Variants in ETV6 observed in about 807,000 individuals in gnomAD.
The protein encoded by ETV6 is transcription factor ETV6.
In ETV6, 16 loss-of-function variants were observed where a neutral mutation model predicts 51.1. That is an observed-to-expected ratio of 0.31 (90% confidence interval 0.21 to 0.48). The LOEUF (loss-of-function observed/expected upper bound fraction) is 0.48. Ranked by LOEUF, ETV6 falls within the 20% of genes least tolerant of loss-of-function variation. The pLI is 0.99. For missense variants in ETV6, 458 were observed against 594.8 expected (o/e 0.77, Z 2.39); for synonymous variants, 240 against 224.1 (o/e 1.07, Z -0.64).
At chr12:11,820,171 G>A (rs116747689) in intron 2 of ETV6, among the ~76,000 whole-genome samples, 3 of 152,212 alleles carry the variant, frequency 2.0e-5, no homozygotes, top group Admixed American at 6.5e-5. Context: ...CCTTGCACAA[G>A]GTCACACAGC....
intron 2 of ETV6, among the ~76,000 whole-genome samples, chr12:11,829,207 G>A (rs1946204752): frequency 6.6e-6 from 1 of 152,116 alleles, no homozygotes; most frequent in Non-Finnish European, 1.5e-5. Flanking sequence ...AAGTATTTTG[G>A]TCTTCTGGAG....
chr12:11,861,683 A>G (rs1946720273), intron 4 of ETV6, among the ~76,000 whole-genome samples: 1 of 152,120 alleles, frequency 6.6e-6, no homozygotes, highest in African/African-American at 2.4e-5. Flanking sequence ...CCCTAGGGAA[A>G]TGCCATCTGA....
intron 2 of ETV6, among the ~76,000 whole-genome samples, chr12:11,821,685 G>A (rs1946083321): frequency 2.0e-5 from 3 of 151,990 alleles, no homozygotes; most frequent in Non-Finnish European, 4.4e-5. Context: ...AAAAAAATGT[G>A]TTTTAGATTA....
At chr12:11,650,372 T>C (rs1863871430) in intron 1 of ETV6, among the ~76,000 whole-genome samples, 1 of 77,496 alleles carries the variant, frequency 1.3e-5, no homozygotes, top group African/African-American at 3.7e-5. Flanking sequence ...CCCTGCCGGC[T>C]CCTCGGCCCC....
At chr12:11,676,834 A>G (rs1864430234) in intron 1 of ETV6, among the ~76,000 whole-genome samples, 1 of 152,188 alleles carries the variant, frequency 6.6e-6, no homozygotes, top group Admixed American at 6.5e-5. Flanking sequence ...CGTGGAAAAC[A>G]GAATTTGGTC....
chr12:11,651,749 A>C (rs1348455814), intron 1 of ETV6, among the ~76,000 whole-genome samples: 1 of 152,242 alleles, frequency 6.6e-6, no homozygotes, highest in Non-Finnish European at 1.5e-5. Flanking sequence ...AAATAGTAGG[A>C]TATTCAATAA....
chr12:11,891,607 AAAAATGCTTTTAAAAAAGAT>A lies in ETV6; in HGVS notation c.*568_*587del. ...TACTGTTGGGTCTTGGCTGAAAAAA[AAAAATGCTTTTAAAAAAGAT>A]AAAATGAAAAGGAGAGCTCTCTTTT... On this transcript the variant is annotated 3_prime_UTR_variant, in exon 8 of 8. Transcript: ENST00000396373. 1.9e-6 allele frequency: 1 copy of A among 530,710 alleles called. No individual in the cohort carries two copies. The highest frequency in any genetic ancestry group is 3.6e-6 in the Non-Finnish European group (1 of 274,456). The allele number at this position is 530,710 out of a possible 1,614,324, so 32.9% of individuals were successfully genotyped here. A position where few individuals can be genotyped will look rare whatever the true frequency, so the allele number is the denominator to read the frequency against.
Position 11,775,645 on chromosome 12 carries a change from C to T in ETV6, c.163+23066C>T, listed in dbSNP as rs1311412044. The stretch of plus-strand genomic sequence containing the variant: ...TACCCCACCAGATGTGTGCAGAAGG[C>T]GCCATCACTGCTTTAGTTTCAGGTC... On this transcript the variant is annotated intron_variant, in intron 2 of 7. Coordinates refer to ENST00000396373, the MANE Select transcript of ETV6 (RefSeq NM_001987.5). 3.9e-5 allele frequency among the ~76,000 whole-genome samples: 6 copies of T among 152,140 alleles called. 1 individual carries two copies. The South Asian group carries it at 6.2e-4, about 16-fold the overall frequency.
rs574540740 is a variant in ETV6 at position 11,850,090 on chromosome 12, G to A, written c.329-3337G>A. 6.6e-5 allele frequency among the ~76,000 whole-genome samples: 10 copies of A among 152,206 alleles called. No individual in the cohort carries two copies. The South Asian group carries it at 2.1e-3, about 32-fold the overall frequency. Reference sequence around the variant, plus strand: ...GGACCTCGGGTCCATGTTCCCACCCGTAGCCGCCTCATGGATAGCATTTAA... The same window carrying A: ...GGACCTCGGGTCCATGTTCCCACCCATAGCCGCCTCATGGATAGCATTTAA... On this transcript the variant is annotated intron_variant, in intron 3 of 7. Coordinates refer to ENST00000396373, the MANE Select transcript of ETV6 (RefSeq NM_001987.5).
chr12:11,802,863 T>A (rs985847887), intron 2 of ETV6, among the ~76,000 whole-genome samples: 1 of 152,230 alleles, frequency 6.6e-6, no homozygotes, highest in African/African-American at 2.4e-5. Context: ...AAGTTTGGTC[T>A]CCTAATTAGC....
intron 2 of ETV6, among the ~76,000 whole-genome samples, chr12:11,799,222 A>G (rs991894715): frequency 1.3e-5 from 2 of 152,312 alleles, no homozygotes; most frequent in Admixed American, 6.5e-5. Context: ...CAGGTTCACA[A>G]CTTTGCAAGT....
chr12:11,888,521 T>C (rs10772513), intron 7 of ETV6, among the ~76,000 whole-genome samples: 63,835 of 151,164 alleles, frequency 0.42, 14,040 homozygotes, highest in South Asian at 0.58. Context: ...TATCATGCCG[T>C]AGCTAATAGT....
At chr12:11,751,513 C>T in intron 1 of ETV6, 2 of 508,792 alleles carry the variant, frequency 3.9e-6, no homozygotes, top group Middle Eastern at 6.4e-4. Flanking sequence ...ACAAATTGCA[C>T]TGCTGTTTTG....
At chr12:11,885,860 C>G in intron 6 of ETV6, 66 bp from the exon 7 acceptor site, 1 of 1,248,568 alleles carries the variant, frequency 8.0e-7, no homozygotes, top group South Asian at 1.3e-5. Context: ...CCCGCAGTGC[C>G]TTTTCTGAGG....
chr12:11,786,212 G>A (rs1012931125), intron 2 of ETV6, among the ~76,000 whole-genome samples: 2 of 151,916 alleles, frequency 1.3e-5, no homozygotes, highest in African/African-American at 2.4e-5. Context: ...ATGGTATGAC[G>A]CCATCATTTC....
At chr12:11,732,129 G>A (rs575799218) in intron 1 of ETV6, among the ~76,000 whole-genome samples, 1 of 152,322 alleles carries the variant, frequency 6.6e-6, no homozygotes, top group South Asian at 2.1e-4. Flanking sequence ...GCATGGCTCA[G>A]TGCAAATCTT....
In ETV6 at chr12:11,667,742, G is replaced by A. The variant is rs374679103; in HGVS notation, c.33+17582G>A. On this transcript the variant is annotated intron_variant, in intron 1 of 7. Transcript: ENST00000396373. ...TTTTGAGATGGAGTCTCACTCGGCC[G>A]CCCAGGCTGGAGTGTAGTGGCATGG... Among the ~76,000 whole-genome samples, 11 of 121,084 alleles carry A rather than the reference G, an allele frequency of 9.1e-5. No homozygotes were observed. The South Asian group carries it at 1.2e-3, about 13-fold the overall frequency. 79.4% of individuals were successfully genotyped at this position (121,084 alleles called of 152,430 possible). A position where few individuals can be genotyped will look rare whatever the true frequency, so the allele number is the denominator to read the frequency against.
At chr12:11,712,577 T>A (rs1865193307) in intron 1 of ETV6, among the ~76,000 whole-genome samples, 1 of 152,134 alleles carries the variant, frequency 6.6e-6, no homozygotes, top group Admixed American at 6.5e-5. Flanking sequence ...TAGGTGTGTA[T>A]GTAGGGATGG....
At chr12:11,830,948 C>A (rs1304308917) in intron 2 of ETV6, among the ~76,000 whole-genome samples, 5 of 152,108 alleles carry the variant, frequency 3.3e-5, no homozygotes, top group Non-Finnish European at 7.4e-5. Context: ...AAATGAGAGA[C>A]AAGAACAGAT....
Sources: gnomAD v4.1 joint callset for allele counts (sites outside exome capture counted in the v4.1 genomes callset) on GRCh38, gnomAD v4.1.1 for gene constraint, MANE v1.5 for transcripts, NCBI Gene and HGNC (gene_info 2026-07-23, HGNC 2026-07-21) for gene names.